Variants in GKAP1 observed in about 807,000 individuals in gnomAD.
GKAP1 encodes the protein G kinase anchoring protein 1, also known as G kinase-anchoring protein 1.
Under a neutral mutation model 56.7 loss-of-function variants are expected in GKAP1, and 31 were observed. The ratio of observed to expected loss-of-function variants is 0.55; its 90% CI spans 0.41 to 0.74. GKAP1 has a LOEUF of 0.74. Among genes scored for constraint, GKAP1 ranks in the 30% least tolerant of loss-of-function variants. GKAP1 has a pLI of 0.00. For synonymous variants in GKAP1, 151 were observed against 138.6 expected, an observed-to-expected ratio of 1.09 and a Z score of -0.63; for missense variants, 364 against 402.3, an observed-to-expected ratio of 0.90 and a Z score of 0.82.
intron 7 of GKAP1, among the ~76,000 whole-genome samples, chr9:83,779,377 C>T (rs184757934): frequency 8.1e-5 from 12 of 148,612 alleles, no homozygotes; most frequent in Admixed American, 1.3e-4. Flanking sequence ...TTTCGTTTTC[C>T]TAGCCTGTGA....
chr9:83,744,347 C>G (rs1361647027), intron 10 of GKAP1, among the ~76,000 whole-genome samples: 2 of 151,954 alleles, frequency 1.3e-5, no homozygotes, highest in African/African-American at 2.4e-5. Flanking sequence ...CAGAGAAAAC[C>G]ACACCCACAT....
At chr9:83,763,924 C>CTA (rs1377647097) in intron 8 of GKAP1, among the ~76,000 whole-genome samples, 1 of 152,106 alleles carries the variant, frequency 6.6e-6, no homozygotes, top group Non-Finnish European at 1.5e-5. Flanking sequence ...AATCATACTG[C>CTA]TACTTAATTA....
chr9:83,795,558 T>A (rs1944231192), intron 4 of GKAP1, among the ~76,000 whole-genome samples: 2 of 150,996 alleles, frequency 1.3e-5, no homozygotes, highest in South Asian at 4.2e-4. Flanking sequence ...GGTGGTATAC[T>A]CTCTCAGTTA....
Position 83,784,856 on chromosome 9 carries a change from C to A in GKAP1, c.439-18G>T. ...TCATACTCCTAAAAAGAATTACCAA[C>A]AACAATTAAGTTCAGTTTACAAACT... is the stretch of plus-strand genomic sequence containing the variant. On this transcript the variant is annotated intron_variant, in intron 5 of 12. Coordinates refer to ENST00000376371, the MANE Select transcript of GKAP1 (RefSeq NM_025211.4). 6.6e-7 allele frequency: 1 copy of A among 1,514,092 alleles called. No individual in the cohort carries two copies. Among genetic ancestry groups the A allele is most frequent in the Non-Finnish European group, 8.9e-7 (1 of 1,123,436 alleles). The allele number at this position is 1,514,092 out of a possible 1,614,324, so 93.8% of individuals were successfully genotyped here.
In GKAP1 at chr9:83,784,637, TAGAA is replaced by T. The variant is rs1944033376; in HGVS notation, c.562+74_562+77del. 5 of 1,025,436 alleles carry T rather than the reference TAGAA, an allele frequency of 4.9e-6. No individual in the cohort carries two copies. The Admixed American group carries it at 8.5e-5, about 17-fold the overall frequency. 63.5% of individuals were successfully genotyped at this position (1,025,436 alleles called of 1,614,324 possible). ...TAACTTTTACTTATTGTTTAAAAATTAGAAAGACATTTACAACTGAAGTATAAAA... is the reference window on the plus strand; with the variant it reads ...TAACTTTTACTTATTGTTTAAAAATTAGACATTTACAACTGAAGTATAAAA... On this transcript the variant is annotated intron_variant, in intron 6 of 12. Coordinates refer to ENST00000376371, the MANE Select transcript of GKAP1 (RefSeq NM_025211.4).
chr9:83,751,989 G>A (rs1441103139), intron 9 of GKAP1, among the ~76,000 whole-genome samples: 6 of 152,080 alleles, frequency 3.9e-5, no homozygotes. Context: ...CAAAAGAACT[G>A]AAAGCAAGGA....
chr9:83,812,981 T>C (rs1944533340), intron 2 of GKAP1, among the ~76,000 whole-genome samples: 1 of 152,238 alleles, frequency 6.6e-6, no homozygotes, highest in African/African-American at 2.4e-5. Context: ...CTGTAACTTT[T>C]TTTTTAATCT....
chr9:83,795,123 T>C (rs182450124), intron 4 of GKAP1, among the ~76,000 whole-genome samples: 13 of 126,856 alleles, frequency 1.0e-4, no homozygotes, highest in African/African-American at 4.1e-4. Flanking sequence ...GCCACTGCAC[T>C]CCAGTCTGGG....
At chr9:83,767,942 C>T (rs995541977) in intron 8 of GKAP1, among the ~76,000 whole-genome samples, 5 of 152,194 alleles carry the variant, frequency 3.3e-5, no homozygotes, top group Admixed American at 6.5e-5. Flanking sequence ...CCGCTTCAGC[C>T]TCCCAAGTTC....
chr9:83,794,516 C>G (rs1944211609), intron 4 of GKAP1, among the ~76,000 whole-genome samples: 1 of 152,134 alleles, frequency 6.6e-6, no homozygotes, highest in Admixed American at 6.5e-5. Context: ...ATCAAATGAA[C>G]TGAAGGATGT....
intron 2 of GKAP1, among the ~76,000 whole-genome samples, chr9:83,813,678 G>C (rs1944542769): frequency 6.6e-6 from 1 of 152,190 alleles, no homozygotes; most frequent in Admixed American, 6.5e-5. Context: ...AAACAGAAAT[G>C]TTTCAGGGCA....
intron 8 of GKAP1, among the ~76,000 whole-genome samples, chr9:83,765,109 CT>C (rs1409486528): frequency 6.6e-6 from 1 of 152,212 alleles, no homozygotes; most frequent in Non-Finnish European, 1.5e-5. Flanking sequence ...CAGGGCCCCT[CT>C]GCTGTGTGCA....
intron 4 of GKAP1, among the ~76,000 whole-genome samples, chr9:83,796,950 T>G (rs1157053281): frequency 6.6e-6 from 1 of 152,224 alleles, no homozygotes. Flanking sequence ...AACTTCCATT[T>G]CCTGCAGCAA....
chr9:83,815,070 G>C (rs1485747796), intron 2 of GKAP1, among the ~76,000 whole-genome samples: 1 of 152,158 alleles, frequency 6.6e-6, no homozygotes, highest in African/African-American at 2.4e-5. Flanking sequence ...TACTCGGGAG[G>C]CTGAGGCAGG....
intron 10 of GKAP1, among the ~76,000 whole-genome samples, chr9:83,744,094 T>G (rs112306997): frequency 5.9e-5 from 9 of 152,316 alleles, no homozygotes; most frequent in African/African-American, 2.2e-4. Context: ...AAGAATCAAT[T>G]CAGTCTCTCA....
intron 6 of GKAP1, among the ~76,000 whole-genome samples, chr9:83,782,321 A>C (rs1564203229): frequency 6.8e-6 from 1 of 148,146 alleles, no homozygotes; most frequent in Non-Finnish European, 1.5e-5. Flanking sequence ...CCCAAAATAG[A>C]TTTCTTAGGT....
intron 2 of GKAP1, among the ~76,000 whole-genome samples, chr9:83,814,761 C>T (rs1462376272): frequency 6.6e-5 from 10 of 152,232 alleles, no homozygotes; most frequent in East Asian, 1.9e-4. Flanking sequence ...ATTCCCATAA[C>T]GCAGATGTGC....
At chr9:83,750,371 T>C (rs1943367969) in intron 9 of GKAP1, among the ~76,000 whole-genome samples, 1 of 152,200 alleles carries the variant, frequency 6.6e-6, no homozygotes, top group Non-Finnish European at 1.5e-5. Context: ...TCTAAAAAAG[T>C]AGCCATTTAA....
At chr9:83,780,114 G>A (rs1021337235) in intron 7 of GKAP1, among the ~76,000 whole-genome samples, 4 of 151,948 alleles carry the variant, frequency 2.6e-5, no homozygotes, top group African/African-American at 9.7e-5. Context: ...CACACACAAA[G>A]TAACCTTTGG....
Sources: gnomAD v4.1 joint callset for allele counts (sites outside exome capture counted in the v4.1 genomes callset) on GRCh38, gnomAD v4.1.1 for gene constraint, MANE v1.5 for transcripts, NCBI Gene and HGNC (gene_info 2026-07-23, HGNC 2026-07-21) for gene names.